The following HECA variants were observed in gnomAD, a reference collection of about 807,000 sequenced individuals.
HECA encodes HECA ribonucleoprotein granule regulator, also known as headcase protein homolog.
In HECA, 13 loss-of-function variants were observed where a neutral mutation model predicts 37.6. The observed-to-expected ratio is 0.35, with a 90% CI of 0.23 to 0.55. HECA has a LOEUF of 0.55. Ranked by LOEUF, HECA falls within the 20% of genes least tolerant of loss-of-function variation. The probability of loss-of-function intolerance (pLI) is 0.90; values close to 1 mark genes in which losing one functional copy is unlikely to be tolerated. For synonymous variants in HECA, 307 were observed against 291.5 expected (o/e 1.05, Z -0.54); for missense variants, 527 against 701.9 (o/e 0.75, Z 2.82).
chr6:139,164,694 T>C (rs1774857285), intron 1 of HECA, among the ~76,000 whole-genome samples: 1 of 152,106 alleles, frequency 6.6e-6, no homozygotes, highest in African/African-American at 2.4e-5. Context: ...TTGAAAATTG[T>C]AGAAATGCCA....
At chr6:139,137,756 C>T (rs1774467858) in intron 1 of HECA, among the ~76,000 whole-genome samples, 1 of 151,530 alleles carries the variant, frequency 6.6e-6, no homozygotes, top group South Asian at 2.1e-4. Context: ...CTACTTGTAC[C>T]TCCTAGTTTG....
At position 139,167,151 on chromosome 6, in the gene HECA, T is replaced by TG. The variant is rs1253605364; in HGVS notation, c.1140dup (p.Arg381AlafsTer46). On this transcript the variant is annotated frameshift_variant, in exon 2 of 4. Transcript: ENST00000367658. LOFTEE classifies it high-confidence loss of function. ...GCCCAAGTGGGCCAGGGGGAAGACTTGCGGAAGTTCATTCTGGCCGCGCTC... is the reference window on the plus strand; with the variant it reads ...GCCCAAGTGGGCCAGGGGGAAGACTTGGCGGAAGTTCATTCTGGCCGCGCTC... 1.9e-6 allele frequency: 3 copies of TG among 1,614,142 alleles called. No homozygotes were observed. The highest frequency in any genetic ancestry group is 8.5e-7 in the Non-Finnish European group (1 of 1,180,034).
At chr6:139,136,312 C>G (rs1267193686) in intron 1 of HECA, among the ~76,000 whole-genome samples, 2 of 150,092 alleles carry the variant, frequency 1.3e-5, no homozygotes. Context: ...AAAAATCATT[C>G]TCTATGTCAT....
chr6:139,173,543 T>C (rs1445866977), intron 2 of HECA, among the ~76,000 whole-genome samples: 1 of 152,202 alleles, frequency 6.6e-6, no homozygotes, highest in Non-Finnish European at 1.5e-5. Flanking sequence ...ATGAGGCCAC[T>C]TAGGATTATG....
rs1195977631 is a variant in HECA at position 139,180,506 on chromosome 6, T to TATA, written c.*3405_*3407dup. On this transcript the variant is annotated 3_prime_UTR_variant, in exon 4 of 4. Transcript: ENST00000367658. ...TGTTCTTGTTTAGTGTTTTATTTCC[T>TATA]ATAATAGGATGCTGCCTAACCCAGT... 6.5e-6 allele frequency: 1 copy of TATA among 152,676 alleles called. No individual in the cohort carries two copies. Among genetic ancestry groups the TATA allele is most frequent in the African/African-American group, 2.4e-5 (1 of 41,454 alleles). The allele number at this position is 152,676 out of a possible 1,614,324, so 9.5% of individuals were successfully genotyped here. A position where few individuals can be genotyped will look rare whatever the true frequency, so the allele number is the denominator to read the frequency against.
intron 1 of HECA, chr6:139,144,153 C>G (rs1351030132): frequency 6.6e-6 from 1 of 152,136 alleles, no homozygotes; most frequent in Non-Finnish European, 1.5e-5. Flanking sequence ...CTCATTCATT[C>G]ATTAGATCCT....
chr6:139,150,911 A>G (rs1483186927), intron 1 of HECA, among the ~76,000 whole-genome samples: 1 of 152,202 alleles, frequency 6.6e-6, no homozygotes, highest in African/African-American at 2.4e-5. Context: ...TTGAAATCAA[A>G]TCATATTATA....
Position 139,174,444 on chromosome 6 carries a change from A to G in HECA, c.1372A>G (p.Ile458Val). Reference sequence around the variant, plus strand: ...CTGCCTGGAAGGGGTTCACAAGATCATCTGCATCAAGTGTAAGTCACGGTG... The same window carrying G: ...CTGCCTGGAAGGGGTTCACAAGATCGTCTGCATCAAGTGTAAGTCACGGTG... ...VDCLEGVHKI[I>V]CIKCKSRWDG... Residue 458 changes from isoleucine (I) to valine (V), a missense_variant, in exon 3 of 4, where the codon ATC becomes GTC. This residue lies in a region of HECA where 106 missense variants were observed against 193.4 expected (regional missense o/e 0.55). Transcript: ENST00000367658. 6.2e-7 allele frequency: 1 copy of G among 1,613,876 alleles called. No homozygotes were observed. Among genetic ancestry groups the G allele is most frequent in the South Asian group, 1.1e-5 (1 of 91,052 alleles).
chr6:139,174,618 G>A, intron 3 of HECA, 79 bp downstream of exon 3: 1 of 1,538,838 alleles, frequency 6.5e-7, no homozygotes, highest in Non-Finnish European at 8.8e-7. Context: ...AGATGCGTCT[G>A]GCAATAAAGA....
At chr6:139,158,563 T>C (rs1774749193) in intron 1 of HECA, among the ~76,000 whole-genome samples, 1 of 148,828 alleles carries the variant, frequency 6.7e-6, no homozygotes, top group African/African-American at 2.5e-5. Flanking sequence ...GCACCTGTAG[T>C]CCCATGCTGA....
At chr6:139,153,749 T>C (rs1186823771) in intron 1 of HECA, among the ~76,000 whole-genome samples, 1 of 152,246 alleles carries the variant, frequency 6.6e-6, no homozygotes, top group Non-Finnish European at 1.5e-5. Context: ...TACATTCTTT[T>C]CTTTATTTCC....
chr6:139,138,020 A>G (rs1037459048), intron 1 of HECA, among the ~76,000 whole-genome samples: 6 of 152,152 alleles, frequency 3.9e-5, no homozygotes, highest in African/African-American at 1.2e-4. Flanking sequence ...GTCTTCGTGA[A>G]TGATTCACCT....
At chr6:139,166,108 A>G in intron 1 of HECA, 176 bp from the exon 2 acceptor site, 1 of 568,674 alleles carries the variant, frequency 1.8e-6, no homozygotes, top group Non-Finnish European at 3.1e-6. Flanking sequence ...TTGGTTAAGT[A>G]GCTTCATCAT....
chr6:139,170,706 A>T (rs1049407248), intron 2 of HECA: 4 of 152,230 alleles, frequency 2.6e-5, no homozygotes, highest in South Asian at 2.1e-4. Context: ...AACAGATTGC[A>T]GAAGTACTTT....
chr6:139,147,854 C>G lies in HECA; in HGVS notation c.271+12187C>G, dbSNP rs1490666271. On this transcript the variant is annotated intron_variant, in intron 1 of 3. Transcript: ENST00000367658. ...ATGTGATTATCTTTAGGGTAAAGTC[C>G]TAGCAGTAGGATCACTGGTTTGATA... 2.6e-5 allele frequency among the ~76,000 whole-genome samples: 4 copies of G among 152,104 alleles called. No individual in the cohort carries two copies. The South Asian group carries it at 8.3e-4, about 32-fold the overall frequency.
intron 3 of HECA, among the ~76,000 whole-genome samples, chr6:139,175,869 A>G (rs947120232): frequency 6.6e-6 from 1 of 152,212 alleles, no homozygotes; most frequent in Non-Finnish European, 1.5e-5. Context: ...CTTCCTTAAA[A>G]CAATTGAAGC....
intron 1 of HECA, among the ~76,000 whole-genome samples, chr6:139,156,701 T>TA (rs969006694): frequency 3.3e-4 from 51 of 152,310 alleles, no homozygotes; most frequent in African/African-American, 1.2e-3. Flanking sequence ...AAAGCAGAAA[T>TA]ACAGCACAAT....
rs1403593225 is a variant in HECA, at chr6:139,135,571, G to A, written c.175G>A (p.Gly59Ser). Residue 59 changes from glycine to serine, a missense_variant, in exon 1 of 4, where the codon GGC (glycine) becomes AGC (serine). Physicochemically the swap from Gly to Ser is moderately conservative, Grantham distance 56. This residue lies in a region of HECA where 172 missense variants were observed against 197.6 expected (regional missense o/e 0.87). Coordinates refer to ENST00000367658, the MANE Select transcript of HECA (RefSeq NM_016217.3). ...CGGGGCGGCGGCGGCGGGCGCGCCG[G>A]GCGCCGGAGGCGCGGCGGGCGCCGG... Reference protein sequence around the residue: ...GCGAAAAGAPGAGGAAGAGGA... With the variant: ...GCGAAAAGAPSAGGAAGAGGA... 1 of 948,056 alleles carries A rather than the reference G, an allele frequency of 1.1e-6. No individual in the cohort carries two copies. The highest frequency in any genetic ancestry group is 1.3e-6 in the Non-Finnish European group (1 of 799,876). The allele number at this position is 948,056 out of a possible 1,614,324, so 58.7% of individuals were successfully genotyped here.
chr6:139,160,091 G>A (rs1386622446), intron 1 of HECA, among the ~76,000 whole-genome samples: 1 of 152,164 alleles, frequency 6.6e-6, no homozygotes, highest in Non-Finnish European at 1.5e-5. Flanking sequence ...TGGCCCAGGT[G>A]ACTGCAGCCT....
Sources: allele counts gnomAD v4.1 joint callset (sites outside exome capture counted in the v4.1 genomes callset), GRCh38; gene constraint gnomAD v4.1.1; regional missense constraint gnomAD v4.1.1; transcripts MANE v1.5; gene names NCBI Gene and HGNC (gene_info 2026-07-23, HGNC 2026-07-21).